The following MSI2 variants were observed in gnomAD, a reference collection of about 807,000 sequenced individuals.
MSI2 encodes the protein RNA-binding protein Musashi homolog 2.
MSI2 carries 17 observed loss-of-function variants against 45.6 expected under a neutral mutation model. That is an observed-to-expected ratio of 0.37 (90% confidence interval 0.26 to 0.56). MSI2 has a LOEUF of 0.56. Ranked by LOEUF, MSI2 falls within the 20% of genes least tolerant of loss-of-function variation. The pLI, the probability that MSI2 is intolerant of heterozygous loss-of-function variation, is 0.77. For missense variants in MSI2, 293 were observed against 444.2 expected, an observed-to-expected ratio of 0.66 and a Z score of 3.06; for synonymous variants, 156 against 158.2, an observed-to-expected ratio of 0.99 and a Z score of 0.11.
At chr17:57,368,269 G>C (rs945181505) in intron 5 of MSI2, among the ~76,000 whole-genome samples, 15 of 152,118 alleles carry the variant, frequency 9.9e-5, no homozygotes, top group Admixed American at 7.2e-4. Flanking sequence ...CTCAATTTTG[G>C]CTGAGCGTGG....
At chr17:57,440,452 G>GTGTGTC (rs1327903194) in intron 6 of MSI2, among the ~76,000 whole-genome samples, 3 of 149,880 alleles carry the variant, frequency 2.0e-5, no homozygotes, top group Non-Finnish European at 4.4e-5. Context: ...GTGTGTGTGT[G>GTGTGTC]TGTGTGTGTG....
intron 6 of MSI2, among the ~76,000 whole-genome samples, chr17:57,522,011 C>T (rs758028125): frequency 7.9e-5 from 12 of 152,168 alleles, no homozygotes; most frequent in Non-Finnish European, 1.6e-4. Context: ...CTGAGCTTTA[C>T]GGAAGGAACC....
intron 10 of MSI2, among the ~76,000 whole-genome samples, chr17:57,637,878 C>A (rs1909958984): frequency 6.6e-6 from 1 of 152,224 alleles, no homozygotes. Context: ...TGGACTGAGG[C>A]CCCGTGCCCA....
At chr17:57,302,956 G>T (rs1463554991) in intron 5 of MSI2, among the ~76,000 whole-genome samples, 1 of 152,324 alleles carries the variant, frequency 6.6e-6, no homozygotes, top group Non-Finnish European at 1.5e-5. Flanking sequence ...AACTGGCCGA[G>T]TGAGGAGGAG....
chr17:57,381,026 C>A (rs1168662524), intron 5 of MSI2, among the ~76,000 whole-genome samples: 1 of 152,090 alleles, frequency 6.6e-6, no homozygotes, highest in Non-Finnish European at 1.5e-5. Flanking sequence ...CTTGGCCTGA[C>A]CTCCCTTTCT....
intron 6 of MSI2, among the ~76,000 whole-genome samples, chr17:57,487,161 C>T (rs1189184215): frequency 3.9e-5 from 6 of 152,132 alleles, no homozygotes; most frequent in Non-Finnish European, 8.8e-5. Flanking sequence ...GGAGGAGGCT[C>T]ACTGAGAGAG....
intron 8 of MSI2, among the ~76,000 whole-genome samples, chr17:57,609,695 G>A (rs1280553684): frequency 6.6e-6 from 1 of 152,238 alleles, no homozygotes; most frequent in African/African-American, 2.4e-5. Flanking sequence ...CCCCAAAGAT[G>A]CCAGGGCAGT....
intron 10 of MSI2, chr17:57,630,479 C>T (rs1909263470): frequency 6.6e-6 from 1 of 152,208 alleles, no homozygotes; most frequent in Admixed American, 6.5e-5. Context: ...CACCAGTGGC[C>T]ACAAGAGTAA....
At chr17:57,556,473 G>A (rs1023983818) in intron 7 of MSI2, among the ~76,000 whole-genome samples, 1 of 152,254 alleles carries the variant, frequency 6.6e-6, no homozygotes, top group African/African-American at 2.4e-5. Flanking sequence ...GACGAGGGAT[G>A]TGAGTCTGTG....
At chr17:57,481,498 T>C (rs1025565736) in intron 6 of MSI2, among the ~76,000 whole-genome samples, 22 of 152,206 alleles carry the variant, frequency 1.4e-4, no homozygotes, top group Non-Finnish European at 2.1e-4. Context: ...TTGCTTTTTT[T>C]CCCCCTTCTC....
At position 57,332,981 on chromosome 17, in the gene MSI2, T is replaced by C. The variant is rs1366207677; in HGVS notation, c.313-68398T>C. 2.6e-5 allele frequency among the ~76,000 whole-genome samples: 4 copies of C among 151,724 alleles called. No individual in the cohort carries two copies. In the East Asian group the frequency reaches 5.8e-4, roughly 22 times the overall value. On this transcript the variant is annotated intron_variant, in intron 5 of 13. Coordinates refer to ENST00000284073, the MANE Select transcript of MSI2 (RefSeq NM_138962.4). ...CAGAGGTTGCAGTGAGCCGAGATCA[T>C]GCCACTGCACTCCAGCCTGGGCGAC...
chr17:57,587,397 G>A (rs1904398124), intron 7 of MSI2, among the ~76,000 whole-genome samples: 1 of 152,200 alleles, frequency 6.6e-6, no homozygotes, highest in African/African-American at 2.4e-5. Flanking sequence ...TTCCAGTTGA[G>A]AAATTGGCTC....
intron 5 of MSI2, among the ~76,000 whole-genome samples, chr17:57,289,247 G>A (rs1910192788): frequency 1.3e-5 from 2 of 152,164 alleles, no homozygotes; most frequent in South Asian, 4.1e-4. Context: ...GCAGGGAGAG[G>A]GGACGTTTCC....
At chr17:57,595,671 C>G (rs1905192068) in intron 7 of MSI2, among the ~76,000 whole-genome samples, 1 of 151,962 alleles carries the variant, frequency 6.6e-6, no homozygotes, top group Non-Finnish European at 1.5e-5. Flanking sequence ...CTCCCAGAGG[C>G]CTGAACTCTT....
chr17:57,448,918 G>C (rs1490177627), intron 6 of MSI2: 3 of 152,230 alleles, frequency 2.0e-5, no homozygotes, highest in African/African-American at 7.2e-5. Context: ...GAGGATTGGA[G>C]CGAGGATCAC....
the MSI2 span, among the ~76,000 whole-genome samples, chr17:57,692,061 A>C: frequency 1.3e-5 from 2 of 152,194 alleles, no homozygotes; most frequent in African/African-American, 4.8e-5. Context: ...ATGCAGCATA[A>C]ATGGATGTTT....
chr17:57,668,172 G>T (rs1329964890), intron 11 of MSI2, among the ~76,000 whole-genome samples: 2 of 152,154 alleles, frequency 1.3e-5, no homozygotes, highest in African/African-American at 4.8e-5. Context: ...GCACTGTTGA[G>T]ATTATATCTC....
At chr17:57,321,934 T>G (rs907355154) in intron 5 of MSI2, among the ~76,000 whole-genome samples, 1 of 152,020 alleles carries the variant, frequency 6.6e-6, no homozygotes, top group Non-Finnish European at 1.5e-5. Flanking sequence ...GTAGCTGGGA[T>G]TACAGGCTCC....
intron 5 of MSI2, among the ~76,000 whole-genome samples, chr17:57,337,581 C>T (rs890545687): frequency 1.3e-5 from 2 of 152,090 alleles, no homozygotes; most frequent in Non-Finnish European, 2.9e-5. Context: ...GGCGGCTGTC[C>T]CTGTCGTGTT....
Sources: allele counts gnomAD v4.1 joint callset (sites outside exome capture counted in the v4.1 genomes callset), GRCh38; gene constraint gnomAD v4.1.1; transcripts MANE v1.5; gene names NCBI Gene and HGNC (gene_info 2026-07-23, HGNC 2026-07-21).